Variants in PDE4D observed in about 807,000 individuals in gnomAD.
The protein encoded by PDE4D is phosphodiesterase 4D.
Under a neutral mutation model 87.4 loss-of-function variants are expected in PDE4D, and 24 were observed. The ratio of observed to expected loss-of-function variants is 0.27; its 90% confidence interval spans 0.20 to 0.39. The LOEUF (loss-of-function observed/expected upper bound fraction) is 0.39. Among genes scored for constraint, PDE4D ranks in the 10% least tolerant of loss-of-function variants. The pLI, the probability that PDE4D is intolerant of heterozygous loss-of-function variation, is 1.00. For missense variants in PDE4D, 714 were observed against 1,041.0 expected, an observed-to-expected ratio of 0.69 and a Z score of 4.32; for synonymous variants, 384 against 383.2, an observed-to-expected ratio of 1.00 and a Z score of -0.02.
rs369909400 is a variant in PDE4D at position 59,132,969 on chromosome 5, T to C, written c.808+47626A>G. ...ATTTCTTTTGCTAACATTAGCATTA[T>C]GACCAGTGTATGTCAAAGAATACAT... On this transcript the variant is annotated intron_variant, in intron 5 of 14. Coordinates refer to ENST00000340635, the MANE Select transcript of PDE4D (RefSeq NM_001104631.2). Among the ~76,000 whole-genome samples the C allele has an allele frequency of 2.1e-4, 32 of 152,338 alleles. 1 individual carries two copies. In the South Asian group the frequency reaches 6.6e-3, roughly 32 times the overall value.
At chr5:59,772,649 G>A (rs1216499500) in intron 1 of PDE4D, among the ~76,000 whole-genome samples, 1 of 152,230 alleles carries the variant, frequency 6.6e-6, no homozygotes, top group Non-Finnish European at 1.5e-5. Flanking sequence ...TGGAAAGAGA[G>A]CAATGATGTG....
chr5:60,218,724 T>C (rs1375933797), intron 1 of PDE4D, among the ~76,000 whole-genome samples: 1 of 152,102 alleles, frequency 6.6e-6, no homozygotes, highest in African/African-American at 2.4e-5. Flanking sequence ...TTAGGGTTGT[T>C]TGGGGACAAG....
chr5:59,320,634 C>G (rs895394719), intron 1 of PDE4D, among the ~76,000 whole-genome samples: 1 of 152,056 alleles, frequency 6.6e-6, no homozygotes, highest in African/African-American at 2.4e-5. Context: ...TTTAAAATCT[C>G]AAAATCATTT....
intron 1 of PDE4D, among the ~76,000 whole-genome samples, chr5:60,396,357 G>A (rs1762882570): frequency 6.6e-6 from 1 of 152,058 alleles, no homozygotes; most frequent in African/African-American, 2.4e-5. Flanking sequence ...CTGCCACCTG[G>A]GAAAGACCCT....
At chr5:59,041,997 A>G (rs149000341) in intron 5 of PDE4D, among the ~76,000 whole-genome samples, 2 of 152,350 alleles carry the variant, frequency 1.3e-5, no homozygotes, top group African/African-American at 4.8e-5. Context: ...CTTTTGACAG[A>G]CAGGATTTGA....
At chr5:59,544,236 G>T (rs527428325) in intron 1 of PDE4D, among the ~76,000 whole-genome samples, 1 of 152,312 alleles carries the variant, frequency 6.6e-6, no homozygotes, top group East Asian at 1.9e-4. Context: ...AAGGAACTCA[G>T]GGATTGAATT....
intron 5 of PDE4D, among the ~76,000 whole-genome samples, chr5:59,045,379 C>T (rs1760440806): frequency 6.6e-6 from 1 of 151,966 alleles, no homozygotes; most frequent in Admixed American, 6.6e-5. Context: ...CATGGAGAAA[C>T]CCTGTCTCTA....
At chr5:59,396,020 A>G (rs1388824872) in intron 1 of PDE4D, among the ~76,000 whole-genome samples, 2 of 120,220 alleles carry the variant, frequency 1.7e-5, no homozygotes, top group African/African-American at 3.4e-5. Context: ...AGTGAGAAGG[A>G]AAGTTTAGAG....
At chr5:59,580,933 AT>A (rs1344134922) in intron 1 of PDE4D, among the ~76,000 whole-genome samples, 3 of 152,060 alleles carry the variant, frequency 2.0e-5, no homozygotes, top group Non-Finnish European at 4.4e-5. Context: ...TAGACTCTAG[AT>A]TATCTATCCT....
chr5:59,138,786 T>C (rs936699096), intron 5 of PDE4D, among the ~76,000 whole-genome samples: 1 of 152,198 alleles, frequency 6.6e-6, no homozygotes, highest in African/African-American at 2.4e-5. Context: ...TGATTACATT[T>C]TCTGGGGTTT....
At chr5:59,092,274 A>G (rs1056868079) in intron 5 of PDE4D, among the ~76,000 whole-genome samples, 3 of 152,170 alleles carry the variant, frequency 2.0e-5, no homozygotes, top group African/African-American at 7.2e-5. Flanking sequence ...CACAGCTTCC[A>G]TCTCTTTGCA....
At chr5:59,173,482 G>A (rs561535587) in intron 5 of PDE4D, among the ~76,000 whole-genome samples, 15 of 152,146 alleles carry the variant, frequency 9.9e-5, no homozygotes, top group South Asian at 4.1e-4. Flanking sequence ...TGTTTTTACC[G>A]GAAGATTCTT....
At chr5:59,942,281 C>T (rs566880886) in intron 3 of PDE4D, among the ~76,000 whole-genome samples, 157 of 152,298 alleles carry the variant, frequency 1.0e-3, no homozygotes, top group Admixed American at 1.9e-3. Context: ...AGGAAGCCCT[C>T]AAGATGTTAT....
chr5:59,108,754 A>G (rs1216187983), intron 5 of PDE4D, among the ~76,000 whole-genome samples: 1 of 151,986 alleles, frequency 6.6e-6, no homozygotes, highest in Non-Finnish European at 1.5e-5. Context: ...ACGACAAAAA[A>G]TTAGCCAGGC....
intron 1 of PDE4D, among the ~76,000 whole-genome samples, chr5:59,598,859 C>G (rs1827087591): frequency 6.6e-6 from 1 of 152,074 alleles, no homozygotes; most frequent in Non-Finnish European, 1.5e-5. Context: ...CAAGAGGATC[C>G]TTTGAGCCCA....
intron 3 of PDE4D, among the ~76,000 whole-genome samples, chr5:59,968,827 T>C (rs1760368036): frequency 6.6e-6 from 1 of 152,130 alleles, no homozygotes; most frequent in South Asian, 2.1e-4. Flanking sequence ...TACCGTAGCA[T>C]CATCCTGAGT....
chr5:59,191,061 A>T (rs144009304), intron 3 of PDE4D, among the ~76,000 whole-genome samples: 1,529 of 152,348 alleles, frequency 0.01, 18 homozygotes, highest in Middle Eastern at 0.058. Flanking sequence ...TAAATTATAC[A>T]GCTGATTTAT....
intron 5 of PDE4D, among the ~76,000 whole-genome samples, chr5:59,058,840 A>C (rs1395246112): frequency 6.6e-6 from 1 of 152,180 alleles, no homozygotes; most frequent in Non-Finnish European, 1.5e-5. Flanking sequence ...TTTGCACATC[A>C]GAAACAAAGA....
chr5:59,714,134 G>A (rs1754639424), intron 1 of PDE4D, among the ~76,000 whole-genome samples: 1 of 152,168 alleles, frequency 6.6e-6, no homozygotes, highest in African/African-American at 2.4e-5. Context: ...CCCCATCATG[G>A]AAGAAAAGGG....
Sources: gnomAD v4.1 joint callset for allele counts (sites outside exome capture counted in the v4.1 genomes callset) on GRCh38, gnomAD v4.1.1 for gene constraint, MANE v1.5 for transcripts, NCBI Gene and HGNC (gene_info 2026-07-23, HGNC 2026-07-21) for gene names.